Variants in PCDH9 observed in about 807,000 individuals in gnomAD.
The protein encoded by PCDH9 is protocadherin 9.
PCDH9 carries 24 observed loss-of-function variants against 70.6 expected under a neutral mutation model. The observed-to-expected ratio is 0.34, with a 90% CI of 0.25 to 0.48. PCDH9 has a LOEUF of 0.48. Among genes scored for constraint, PCDH9 ranks in the 20% least tolerant of loss-of-function variants. The pLI is 0.99. For missense variants in PCDH9, 1,281 were observed against 1,503.6 expected, an observed-to-expected ratio of 0.85 and a Z score of 2.45; for synonymous variants, 562 against 558.5, an observed-to-expected ratio of 1.01 and a Z score of -0.09.
intron 3 of PCDH9, among the ~76,000 whole-genome samples, chr13:66,655,419 T>C (rs1383222749): frequency 6.6e-6 from 1 of 152,026 alleles, no homozygotes; most frequent in African/African-American, 2.4e-5. Flanking sequence ...TTAAGGACTA[T>C]TCAATGCAAT....
rs879799258 is a variant in PCDH9, at chr13:66,652,585, T to TA, written c.3139-21175dup. 8.0e-3 allele frequency among the ~76,000 whole-genome samples: 1,163 copies of TA among 145,016 alleles called. 6 individuals are homozygous for TA. Among genetic ancestry groups the TA allele is most frequent in the African/African-American group, 0.015 (591 of 39,894 alleles). On this transcript the variant is annotated intron_variant, in intron 3 of 4. Transcript: ENST00000377865. ...TAATATACAAAGTTGGTTCAATCTG[T>TA]AAAAAAAAAAAATCCAATGATATTC...
At chr13:66,678,274 A>G (rs976460282) in intron 3 of PCDH9, among the ~76,000 whole-genome samples, 3 of 152,172 alleles carry the variant, frequency 2.0e-5, no homozygotes, top group Admixed American at 2.0e-4. Flanking sequence ...ATTGTAATAA[A>G]TATTATAGTC....
intron 4 of PCDH9, among the ~76,000 whole-genome samples, chr13:66,573,997 A>G (rs573748157): frequency 5.9e-5 from 9 of 152,258 alleles, no homozygotes; most frequent in African/African-American, 1.9e-4. Flanking sequence ...CCTCTGGTCA[A>G]TAGCCTAGAT....
chr13:66,833,448 A>C (rs888427958), intron 3 of PCDH9, among the ~76,000 whole-genome samples: 2 of 152,076 alleles, frequency 1.3e-5, no homozygotes, highest in African/African-American at 4.8e-5. Flanking sequence ...GGGTACCCTA[A>C]TATTGTCTTC....
intron 4 of PCDH9, among the ~76,000 whole-genome samples, chr13:66,520,814 C>T (rs902169360): frequency 3.3e-5 from 5 of 152,028 alleles, no homozygotes; most frequent in Admixed American, 1.3e-4. Context: ...TTTAAAAGGG[C>T]CTGTTTCTGT....
intron 2 of PCDH9, among the ~76,000 whole-genome samples, chr13:66,927,278 T>G (rs1414482543): frequency 6.6e-6 from 1 of 151,960 alleles, no homozygotes; most frequent in Non-Finnish European, 1.5e-5. Flanking sequence ...CCCTTATCCT[T>G]AGCAAACTAA....
intron 2 of PCDH9, among the ~76,000 whole-genome samples, chr13:67,046,553 C>T (rs1367923058): frequency 2.0e-5 from 3 of 151,886 alleles, no homozygotes; most frequent in Non-Finnish European, 4.4e-5. Flanking sequence ...TATGTTTTAG[C>T]GTTGCATGGA....
At chr13:67,141,812 G>A (rs186735901) in intron 2 of PCDH9, among the ~76,000 whole-genome samples, 5 of 151,654 alleles carry the variant, frequency 3.3e-5, no homozygotes, top group African/African-American at 7.3e-5. Flanking sequence ...ATTATACAGG[G>A]TAACCATAAT....
At chr13:66,987,888 ATTTAG>A (rs893430981) in intron 2 of PCDH9, among the ~76,000 whole-genome samples, 2 of 151,810 alleles carry the variant, frequency 1.3e-5, no homozygotes, top group African/African-American at 4.8e-5. Flanking sequence ...AATTTTAATA[ATTTAG>A]TTTATTTTTT....
At chr13:66,686,587 C>G (rs1480861382) in intron 3 of PCDH9, among the ~76,000 whole-genome samples, 1 of 152,152 alleles carries the variant, frequency 6.6e-6, no homozygotes, top group East Asian at 1.9e-4. Flanking sequence ...AACAAATGTT[C>G]TGCACTGTTC....
intron 3 of PCDH9, among the ~76,000 whole-genome samples, chr13:66,730,897 T>TTTTTTTTTTTTTG (rs1555262885): frequency 2.2e-4 from 28 of 129,098 alleles, no homozygotes; most frequent in East Asian, 4.4e-4. Context: ...GTTTGTTTCT[T>TTTTTTTTTTTTTG]TTTTTTTGTG....
At chr13:66,714,193 C>A (rs745931724) in intron 3 of PCDH9, among the ~76,000 whole-genome samples, 1 of 151,948 alleles carries the variant, frequency 6.6e-6, no homozygotes, top group African/African-American at 2.4e-5. Context: ...TGGCTGGGTG[C>A]AGTGGTTCAT....
chr13:67,082,797 C>T (rs534907851), intron 2 of PCDH9, among the ~76,000 whole-genome samples: 48 of 152,236 alleles, frequency 3.2e-4, no homozygotes, highest in Middle Eastern at 3.4e-3. Context: ...GTACCTTGCT[C>T]CAAAAATATT....
rs565217695 is a variant in PCDH9, at chr13:66,546,032, G to T, written c.3340+85178C>A. 3.8e-4 allele frequency among the ~76,000 whole-genome samples: 58 copies of T among 151,512 alleles called. 3 individuals carry two copies. In the South Asian group the frequency reaches 0.012, roughly 31 times the overall value. ...TTCTATCTTTTTTTAATAGAGACAG[G>T]TTTCACCATGTTAGCCAGGATGGTC... On this transcript the variant is annotated intron_variant, in intron 4 of 4. Transcript: ENST00000377865.
intron 3 of PCDH9, among the ~76,000 whole-genome samples, chr13:66,712,570 A>G (rs972325137): frequency 6.6e-6 from 1 of 152,132 alleles, no homozygotes; most frequent in Admixed American, 6.5e-5. Flanking sequence ...AAAATAAAGT[A>G]TTTTTTTGAA....
chr13:67,173,868 T>A (rs2088366520), intron 2 of PCDH9, among the ~76,000 whole-genome samples: 2 of 151,632 alleles, frequency 1.3e-5, no homozygotes, highest in Non-Finnish European at 2.9e-5. Flanking sequence ...GCATGAATTA[T>A]TTGTGTTTTA....
At chr13:66,612,760 G>T (rs764036461) in intron 4 of PCDH9, among the ~76,000 whole-genome samples, 10 of 152,060 alleles carry the variant, frequency 6.6e-5, no homozygotes, top group Non-Finnish European at 1.5e-4. Context: ...TGGAATCTAG[G>T]ATTTGAATGG....
chr13:66,432,693 T>G (rs1048667666), intron 4 of PCDH9, among the ~76,000 whole-genome samples: 1 of 151,916 alleles, frequency 6.6e-6, no homozygotes, highest in Non-Finnish European at 1.5e-5. Flanking sequence ...TCTGGTCCAC[T>G]ACCTCTTCCC....
At chr13:66,694,302 A>G (rs1215255862) in intron 3 of PCDH9, among the ~76,000 whole-genome samples, 1 of 152,220 alleles carries the variant, frequency 6.6e-6, no homozygotes, top group Non-Finnish European at 1.5e-5. Context: ...CTGTCAGATG[A>G]TCAACATAGA....
Sources: gnomAD v4.1 joint callset for allele counts (sites outside exome capture counted in the v4.1 genomes callset) on GRCh38, gnomAD v4.1.1 for gene constraint, MANE v1.5 for transcripts, NCBI Gene and HGNC (gene_info 2026-07-23, HGNC 2026-07-21) for gene names.